The following SHE variants were observed in gnomAD, a reference collection of about 807,000 sequenced individuals.
The protein encoded by SHE is SH2 domain-containing adapter protein E.
Under a neutral mutation model 49.8 loss-of-function variants are expected in SHE, and 11 were observed. That is an observed-to-expected ratio of 0.22 (90% CI 0.14 to 0.37). The LOEUF is 0.37. SHE is among the 10% of genes least tolerant of loss of function. The pLI is 1.00. For missense variants in SHE, 624 were observed against 655.5 expected (o/e 0.95, Z 0.52); for synonymous variants, 310 against 278.1 (o/e 1.11, Z -1.14).
intron 2 of SHE, among the ~76,000 whole-genome samples, chr1:154,491,711 G>C (rs2149295186): frequency 6.6e-6 from 1 of 152,328 alleles, no homozygotes; most frequent in South Asian, 2.1e-4. Flanking sequence ...GAGAGAGGGA[G>C]GGGAGGGAAC....
chr1:154,472,605 G>A (rs961445269), intron 1 of SHE, among the ~76,000 whole-genome samples: 2 of 152,202 alleles, frequency 1.3e-5, no homozygotes, highest in African/African-American at 4.8e-5. Context: ...ATCAGAAGGA[G>A]GCCAGGTGCC....
At chr1:154,479,413 C>G, downstream of SHE, 1 of 780,268 alleles carries the variant, frequency 1.3e-6, no homozygotes, top group Non-Finnish European at 1.6e-6. Flanking sequence ...GTAGCTCTTA[C>G]CATGGGAAGT....
Position 154,502,097 on chromosome 1 carries a change from C to T in SHE, c.-71G>A, listed in dbSNP as rs1692801091. The T allele has an allele frequency of 7.7e-6, 9 of 1,163,346 alleles. No homozygotes were observed. The South Asian group carries it at 3.0e-4, about 38-fold the overall frequency. The allele number at this position is 1,163,346 out of a possible 1,614,324, so 72.1% of individuals were successfully genotyped here. A position where few individuals can be genotyped will look rare whatever the true frequency, so the allele number is the denominator to read the frequency against. On this transcript the variant is annotated 5_prime_UTR_variant, in exon 1 of 6. Transcript: ENST00000304760. Reference sequence around the variant, plus strand: ...GCTGCTCCGTGCGCCCCCGGCCGGCCGTCGCCCACGCCCGGCAGGGTGGGG... The same window carrying T: ...GCTGCTCCGTGCGCCCCCGGCCGGCTGTCGCCCACGCCCGGCAGGGTGGGG...
downstream of SHE, among the ~76,000 whole-genome samples, chr1:154,474,499 T>C (rs771809536): frequency 2.0e-5 from 3 of 152,154 alleles, no homozygotes; most frequent in Non-Finnish European, 4.4e-5. Flanking sequence ...TCTCAAATTG[T>C]GCTTTATTTA....
In SHE at chr1:154,483,675, A is replaced by G. The variant is rs1239576138; in HGVS notation, c.*474T>C. On this transcript the variant is annotated 3_prime_UTR_variant, in exon 6 of 6. Coordinates refer to ENST00000304760, the MANE Select transcript of SHE (RefSeq NM_001010846.3). ...AGGAAACAAGGGACAGGCCACAAAC[A>G]AAGTGTCATGGAATCACTTTAAGAC... The G allele has an allele frequency of 8.1e-6, 8 of 987,608 alleles. No homozygotes were observed. The highest frequency in any genetic ancestry group is 9.6e-6 in the Non-Finnish European group (8 of 831,454). 61.2% of individuals were successfully genotyped at this position (987,608 alleles called of 1,614,324 possible). A position where few individuals can be genotyped will look rare whatever the true frequency, so the allele number is the denominator to read the frequency against.
chr1:154,497,806 G>A (rs191508533), intron 2 of SHE, among the ~76,000 whole-genome samples: 21 of 151,212 alleles, frequency 1.4e-4, no homozygotes, highest in Admixed American at 5.3e-4. Context: ...TCAGCCTCCT[G>A]AGCATCTGGA....
chr1:154,482,162 C>T lies in SHE; in HGVS notation c.*1987G>A, dbSNP rs973867166. The T allele has an allele frequency of 2.9e-5, 7 of 241,398 alleles. No homozygotes were observed. Among genetic ancestry groups the T allele is most frequent in the Non-Finnish European group, 3.3e-5 (5 of 150,208 alleles). The allele number at this position is 241,398 out of a possible 1,614,324, so 15.0% of individuals were successfully genotyped here. The stretch of plus-strand genomic sequence containing the variant: ...CCAAGCAGCTGGAACTACAGGTGCC[C>T]GCCACCGTGCCCAGCTAATTTTTGT... On this transcript the variant is annotated 3_prime_UTR_variant, in exon 6 of 6. Transcript: ENST00000304760.
chr1:154,482,481 G>T lies in SHE; in HGVS notation c.*1668C>A. The stretch of plus-strand genomic sequence containing the variant: ...TCAAATGTAACTAGTAACTACAAAG[G>T]TATACTTTCCTAAAAAATTAACCAA... On this transcript the variant is annotated 3_prime_UTR_variant, in exon 6 of 6. Coordinates refer to ENST00000304760, the MANE Select transcript of SHE (RefSeq NM_001010846.3). 13 of 985,190 alleles carry T rather than the reference G, an allele frequency of 1.3e-5. No individual in the cohort carries two copies. The highest frequency in any genetic ancestry group is 1.6e-5 in the Non-Finnish European group (13 of 829,816). The allele number at this position is 985,190 out of a possible 1,614,324, so 61.0% of individuals were successfully genotyped here.
At position 154,493,361 on chromosome 1, in the gene SHE, G is replaced by C. The variant is rs563025215; in HGVS notation, c.719-4005C>G. ...GCCATAGAAACAGAAACAATCGTGGGGCTGCAAGCCGACCCTTCCTGCAGG... is the reference window on the plus strand; with the variant it reads ...GCCATAGAAACAGAAACAATCGTGGCGCTGCAAGCCGACCCTTCCTGCAGG... On this transcript the variant is annotated intron_variant, in intron 2 of 5. Transcript: ENST00000304760. 1.3e-4 allele frequency among the ~76,000 whole-genome samples: 20 copies of C among 152,322 alleles called. No homozygotes were observed. In the South Asian group the frequency reaches 2.9e-3, roughly 22 times the overall value.
In SHE at chr1:154,480,855, T is replaced by TCTCTTC; in HGVS notation, c.*3288_*3293dup. On this transcript the variant is annotated 3_prime_UTR_variant, in exon 6 of 6. Coordinates refer to ENST00000304760, the MANE Select transcript of SHE (RefSeq NM_001010846.3). The stretch of plus-strand genomic sequence containing the variant: ...AAGTAAATAGCAAGGTCCTTTACTC[T>TCTCTTC]CTCTTCTTATAGGCCTGAAACTAAC... 1.0e-6 allele frequency: 1 copy of TCTCTTC among 985,430 alleles called. No homozygotes were observed. Among genetic ancestry groups the TCTCTTC allele is most frequent in the South Asian group, 4.7e-5 (1 of 21,288 alleles). 61.0% of individuals were successfully genotyped at this position (985,430 alleles called of 1,614,324 possible).
chr1:154,492,109 G>A (rs953841331), intron 2 of SHE, among the ~76,000 whole-genome samples: 10 of 152,176 alleles, frequency 6.6e-5, no homozygotes, highest in African/African-American at 1.9e-4. Context: ...ATTAAAATCA[G>A]GACACCAAAT....
intron 5 of SHE, chr1:154,485,010 T>A (rs956859951): frequency 6.6e-6 from 1 of 150,376 alleles, no homozygotes; most frequent in African/African-American, 2.4e-5. Context: ...AAAAAACTCA[T>A]CCTCCTCACC....
intron 2 of SHE, among the ~76,000 whole-genome samples, chr1:154,492,749 G>A (rs559480442): frequency 7.9e-5 from 12 of 152,276 alleles, no homozygotes; most frequent in African/African-American, 2.9e-4. Context: ...GAGTTCAAAG[G>A]ATGAATATAG....
In SHE at chr1:154,502,132, C is replaced by G. The variant is rs1362930101; in HGVS notation, c.-106G>C. On this transcript the variant is annotated 5_prime_UTR_variant, in exon 1 of 6. Transcript: ENST00000304760. ...GCCCGGCAGGGTGGGGTTCTCACGG[C>G]TCGGGGCGCCGAGCGGGCGGGCGCT... The G allele has an allele frequency of 7.4e-6, 7 of 942,490 alleles. No individual in the cohort carries two copies. The highest frequency in any genetic ancestry group is 9.5e-6 in the Non-Finnish European group (7 of 736,494). The allele number at this position is 942,490 out of a possible 1,614,324, so 58.4% of individuals were successfully genotyped here. A position where few individuals can be genotyped will look rare whatever the true frequency, so the allele number is the denominator to read the frequency against.
intron 2 of SHE, among the ~76,000 whole-genome samples, chr1:154,489,798 A>G (rs1273784078): frequency 6.6e-6 from 1 of 152,262 alleles, no homozygotes; most frequent in Admixed American, 6.5e-5. Context: ...CTGCAAGTCA[A>G]AAATGCACTT....
intron 1 of SHE, 85 bp from the exon 2 acceptor site, chr1:154,499,323 T>C: frequency 1.4e-6 from 2 of 1,477,516 alleles, no homozygotes; most frequent in South Asian, 1.3e-5. Context: ...TGACATCTCC[T>C]GCATATCCAA....
Position 154,481,112 on chromosome 1 carries a change from A to G in SHE, c.*3037T>C. 1.0e-6 allele frequency: 1 copy of G among 985,504 alleles called. No homozygotes were observed. The highest frequency in any genetic ancestry group is 1.2e-6 in the Non-Finnish European group (1 of 829,950). 61.0% of individuals were successfully genotyped at this position (985,504 alleles called of 1,614,324 possible). A position where few individuals can be genotyped will look rare whatever the true frequency, so the allele number is the denominator to read the frequency against. On this transcript the variant is annotated 3_prime_UTR_variant, in exon 6 of 6. Coordinates refer to ENST00000304760, the MANE Select transcript of SHE (RefSeq NM_001010846.3). The stretch of plus-strand genomic sequence containing the variant: ...AAGCCAGAGCATTCAGAGCTCAGAG[A>G]ACATGTCACAGAGCTTCAGATCAGC...
Position 154,502,136 on chromosome 1 carries a change from G to C in SHE, c.-110C>G, listed in dbSNP as rs1692804325. ...GGCAGGGTGGGGTTCTCACGGCTCG[G>C]GGCGCCGAGCGGGCGGGCGCTAGCC... On this transcript the variant is annotated 5_prime_UTR_variant, in exon 1 of 6. Transcript: ENST00000304760. 2.2e-6 allele frequency: 2 copies of C among 918,828 alleles called. No individual in the cohort carries two copies. Among genetic ancestry groups the C allele is most frequent in the African/African-American group, 1.7e-5 (1 of 57,714 alleles). 56.9% of individuals were successfully genotyped at this position (918,828 alleles called of 1,614,324 possible).
intron 1 of SHE, among the ~76,000 whole-genome samples, chr1:154,472,048 C>T (rs1343044114): frequency 6.6e-6 from 1 of 152,000 alleles, no homozygotes; most frequent in Non-Finnish European, 1.5e-5. Context: ...TGGTGGGCGC[C>T]TGTAGTCCCA....
Sources: allele counts gnomAD v4.1 joint callset (sites outside exome capture counted in the v4.1 genomes callset), GRCh38; gene constraint gnomAD v4.1.1; transcripts MANE v1.5; gene names NCBI Gene and HGNC (gene_info 2026-07-23, HGNC 2026-07-21).